Variants in PLCG2 observed in about 807,000 individuals in gnomAD.
PLCG2 encodes the protein 1-phosphatidylinositol 4,5-bisphosphate phosphodiesterase gamma-2.
A neutral mutation model predicts 175.6 loss-of-function variants in PLCG2; 69 were observed. The ratio of observed to expected loss-of-function variants is 0.39; its 90% CI spans 0.32 to 0.48. The LOEUF (loss-of-function observed/expected upper bound fraction) is 0.48, where lower values mean the gene tolerates loss of function less well. Among genes scored for constraint, PLCG2 ranks in the 20% least tolerant of loss-of-function variants. The pLI is 0.91. For missense variants in PLCG2, 1,798 were observed against 1,650.9 expected, an observed-to-expected ratio of 1.09 and a Z score of -1.54; for synonymous variants, 827 against 624.0, an observed-to-expected ratio of 1.33 and a Z score of -4.85.
At chr16:81,829,120 T>C (rs551373819) in intron 2 of PLCG2, among the ~76,000 whole-genome samples, 1 of 152,232 alleles carries the variant, frequency 6.6e-6, no homozygotes, top group Admixed American at 6.5e-5. Context: ...TTTATTTTAT[T>C]TTTTTTGAGA....
intron 2 of PLCG2, among the ~76,000 whole-genome samples, chr16:81,817,726 C>T (rs1024445062): frequency 5.3e-5 from 8 of 152,194 alleles, no homozygotes; most frequent in African/African-American, 1.7e-4. Flanking sequence ...ACTCAAGCGA[C>T]CCCCATGCCC....
At chr16:81,930,962 A>G (rs1265702412) in intron 24 of PLCG2, among the ~76,000 whole-genome samples, 1 of 152,212 alleles carries the variant, frequency 6.6e-6, no homozygotes, top group Non-Finnish European at 1.5e-5. Flanking sequence ...TGTAAAAAAT[A>G]TTTATGATGA....
intron 12 of PLCG2, 33 bp downstream of exon 12, chr16:81,893,827 C>A: frequency 1.4e-6 from 2 of 1,389,862 alleles, no homozygotes; most frequent in Non-Finnish European, 2.0e-6. Flanking sequence ...AGGTCAGGCT[C>A]GCAGCAAATT....
At chr16:81,778,065 C>CCA (rs1555505501), upstream of PLCG2, among the ~76,000 whole-genome samples, 1,543 of 32,212 alleles carry the variant, frequency 0.048, 148 homozygotes, top group African/African-American at 0.21. Flanking sequence ...CAAAAAAAAC[C>CCA]AAAAACACAC....
chr16:81,841,982 C>G (rs1905858005), intron 2 of PLCG2, among the ~76,000 whole-genome samples: 1 of 152,260 alleles, frequency 6.6e-6, no homozygotes, highest in Non-Finnish European at 1.5e-5. Flanking sequence ...AGTAGCTAAA[C>G]TCACCTTGGT....
intron 9 of PLCG2, among the ~76,000 whole-genome samples, chr16:81,883,884 G>A (rs530162200): frequency 2.1e-4 from 32 of 152,336 alleles, no homozygotes; most frequent in Non-Finnish European, 4.6e-4. Context: ...GTTGTGTTGC[G>A]CCTTGGTTTT....
chr16:81,806,331 CTG>C (rs1912021005), intron 2 of PLCG2, among the ~76,000 whole-genome samples: 1 of 151,964 alleles, frequency 6.6e-6, no homozygotes, highest in Non-Finnish European at 1.5e-5. Flanking sequence ...GTGGTGCTCC[CTG>C]TGTGTGTGAT....
At chr16:81,854,281 A>G (rs1906569760) in intron 2 of PLCG2, among the ~76,000 whole-genome samples, 163 bp from the exon 3 acceptor site, 1 of 152,130 alleles carries the variant, frequency 6.6e-6, no homozygotes, top group Non-Finnish European at 1.5e-5. Flanking sequence ...CCCTTTGTCC[A>G]TTTCCAGAAG....
intron 1 of PLCG2, among the ~76,000 whole-genome samples, chr16:81,752,324 C>G (rs1425749612): frequency 2.0e-5 from 3 of 152,170 alleles, no homozygotes; most frequent in Admixed American, 1.3e-4. Flanking sequence ...CCGGCCAGCT[C>G]TGAGAAGTAC....
intron 30 of PLCG2, 65 bp from the exon 31 acceptor site, chr16:81,946,110 C>T: frequency 2.3e-6 from 3 of 1,284,304 alleles, no homozygotes; most frequent in Non-Finnish European, 3.4e-6. Context: ...AGGTAGCCTC[C>T]AAAAAAAATC....
At chr16:81,779,886 G>C (rs1316716400) in intron 1 of PLCG2, among the ~76,000 whole-genome samples, 1 of 152,246 alleles carries the variant, frequency 6.6e-6, no homozygotes, top group African/African-American at 2.4e-5. Flanking sequence ...TACCGCGGGA[G>C]GCGCAGTCCT....
intron 21 of PLCG2, among the ~76,000 whole-genome samples, chr16:81,922,514 G>A (rs1255448256): frequency 6.6e-6 from 1 of 152,198 alleles, no homozygotes; most frequent in African/African-American, 2.4e-5. Flanking sequence ...ATCTCATTTA[G>A]TAGTCTTAAC....
intron 24 of PLCG2, among the ~76,000 whole-genome samples, chr16:81,930,663 G>T (rs117257099): frequency 1.3e-5 from 2 of 149,610 alleles, no homozygotes; most frequent in Non-Finnish European, 1.5e-5. Context: ...TGGGAGGATC[G>T]CATGAACTTG....
At chr16:81,758,089 C>T (rs1348927899) in intron 2 of PLCG2, among the ~76,000 whole-genome samples, 1 of 152,182 alleles carries the variant, frequency 6.6e-6, no homozygotes. Flanking sequence ...GATCCTCCCA[C>T]CTCAGCCTCC....
At position 81,927,013 on chromosome 16, in the gene PLCG2, C is replaced by T. The variant is rs1376606746; in HGVS notation, c.2418-69C>T. 8.3e-6 allele frequency: 8 copies of T among 963,572 alleles called. No homozygotes were observed. The East Asian group carries it at 1.7e-4, about 20-fold the overall frequency. 59.7% of individuals were successfully genotyped at this position (963,572 alleles called of 1,614,324 possible). A position where few individuals can be genotyped will look rare whatever the true frequency, so the allele number is the denominator to read the frequency against. On this transcript the variant is annotated intron_variant, in intron 22 of 32. Coordinates refer to ENST00000564138, the MANE Select transcript of PLCG2 (RefSeq NM_002661.5). ...TCAGAATTGAGCCAGCAGCCGGGTG[C>T]AGATGAGCAGTAGTGGGTAATTCAT...
chr16:81,949,539 G>C (rs1911283980), intron 31 of PLCG2, among the ~76,000 whole-genome samples: 2 of 152,100 alleles, frequency 1.3e-5, no homozygotes, highest in African/African-American at 2.4e-5. Flanking sequence ...GAATTTCAAG[G>C]TATGCAATAT....
intron 2 of PLCG2, among the ~76,000 whole-genome samples, chr16:81,832,361 CT>C (rs1905295663): frequency 6.6e-6 from 1 of 152,158 alleles, no homozygotes; most frequent in Non-Finnish European, 1.5e-5. Flanking sequence ...AATGCATGCT[CT>C]TCTTTTCCTT....
At chr16:81,758,760 C>T (rs1269629831) in intron 2 of PLCG2, among the ~76,000 whole-genome samples, 1 of 151,694 alleles carries the variant, frequency 6.6e-6, no homozygotes, top group Non-Finnish European at 1.5e-5. Context: ...TCACTGCAAC[C>T]TTTGCCTCCC....
intron 2 of PLCG2, among the ~76,000 whole-genome samples, chr16:81,793,552 G>T (rs543522897): frequency 6.6e-6 from 1 of 152,256 alleles, no homozygotes; most frequent in African/African-American, 2.4e-5. Flanking sequence ...TTTCACTTTT[G>T]CTTAGGCATA....
Sources: allele counts gnomAD v4.1 joint callset (sites outside exome capture counted in the v4.1 genomes callset), GRCh38; gene constraint gnomAD v4.1.1; transcripts MANE v1.5; gene names NCBI Gene and HGNC (gene_info 2026-07-23, HGNC 2026-07-21).